PGBD5: variants seen among roughly 807,000 people sequenced by gnomAD.
The protein encoded by PGBD5 is piggyBac transposable element-derived protein 5.
PGBD5 carries 14 observed loss-of-function variants against 47.9 expected under a neutral mutation model. That is an observed-to-expected ratio of 0.29 (90% CI 0.19 to 0.46). The LOEUF is 0.46. PGBD5 is among the 20% of genes least tolerant of loss of function. The pLI is 1.00. For synonymous variants in PGBD5, 316 were observed against 306.3 expected (o/e 1.03, Z -0.33); for missense variants, 635 against 716.0 (o/e 0.89, Z 1.29).
chr1:230,397,147 G>A (rs1558211117), intron 1 of PGBD5, among the ~76,000 whole-genome samples: 1 of 152,138 alleles, frequency 6.6e-6, no homozygotes, highest in South Asian at 2.1e-4. Context: ...CCGCACACGC[G>A]CCTGCATGCT....
chr1:230,321,280 C>T lies in PGBD5; in HGVS notation c.*2145G>A, dbSNP rs4469718. 0.82 allele frequency: 124,876 copies of T among 152,220 alleles called. 51,297 individuals carry two copies. The highest frequency in any genetic ancestry group is 0.91 in the East Asian group (4,741 of 5,192). The allele number at this position is 152,220 out of a possible 1,614,324, so 9.4% of individuals were successfully genotyped here. A position where few individuals can be genotyped will look rare whatever the true frequency, so the allele number is the denominator to read the frequency against. ...GACACCAAGAACAGTTAATATCATA[C>T]ACACCAGATTATATAACAAAAAAAA... On this transcript the variant is annotated 3_prime_UTR_variant, in exon 7 of 7. Transcript: ENST00000391860.
At chr1:230,377,540 T>C (rs1668032359) in intron 1 of PGBD5, 4 of 1,612,058 alleles carry the variant, frequency 2.5e-6, no homozygotes, top group Non-Finnish European at 1.7e-6. Flanking sequence ...CCGGGCACTA[T>C]GCTGAGCAAC....
intron 1 of PGBD5, among the ~76,000 whole-genome samples, chr1:230,424,378 T>A (rs1250930804): frequency 6.6e-6 from 1 of 152,214 alleles, no homozygotes; most frequent in Non-Finnish European, 1.5e-5. Context: ...CCCAAAGCAG[T>A]GCACAGCTAA....
At chr1:230,338,258 G>T (rs1293704391) in intron 3 of PGBD5, among the ~76,000 whole-genome samples, 1 of 152,226 alleles carries the variant, frequency 6.6e-6, no homozygotes, top group Non-Finnish European at 1.5e-5. Flanking sequence ...CCGTTTATGA[G>T]CTCATAGTTC....
At chr1:230,362,305 G>A (rs140239344) in intron 1 of PGBD5, 3 of 1,367,810 alleles carry the variant, frequency 2.2e-6, no homozygotes, top group Non-Finnish European at 2.9e-6. Context: ...CCCCACGGGT[G>A]TGCAGGGCAC....
chr1:230,426,167 G>A lies in PGBD5; in HGVS notation c.-239C>T, dbSNP rs1201203524. 1 of 147,258 alleles carries A rather than the reference G, an allele frequency of 6.8e-6. No homozygotes were observed. The highest frequency in any genetic ancestry group is 1.5e-5 in the Non-Finnish European group (1 of 66,040). The allele number at this position is 147,258 out of a possible 1,614,324, so 9.1% of individuals were successfully genotyped here. Reference sequence around the variant, plus strand: ...GCGGCGGGAGGCGAGCCGCGCGCGGGGCTGGCAGGGGCGACCCAGAGCGGG... The same window carrying A: ...GCGGCGGGAGGCGAGCCGCGCGCGGAGCTGGCAGGGGCGACCCAGAGCGGG... On this transcript the variant is annotated 5_prime_UTR_variant, in exon 1 of 7. Transcript: ENST00000391860.
intron 1 of PGBD5, among the ~76,000 whole-genome samples, chr1:230,361,022 C>A (rs1571840087): frequency 6.6e-6 from 1 of 152,152 alleles, no homozygotes; most frequent in Non-Finnish European, 1.5e-5. Context: ...GCTGGGGAGG[C>A]CTTCCTCCCA....
chr1:230,385,087 T>TA (rs1656600946), intron 1 of PGBD5, among the ~76,000 whole-genome samples: 1 of 152,016 alleles, frequency 6.6e-6, no homozygotes, highest in Non-Finnish European at 1.5e-5. Context: ...GTATTTTTTT[T>TA]TTCCCCCTCA....
intron 2 of PGBD5, among the ~76,000 whole-genome samples, chr1:230,353,481 G>A (rs755980305): frequency 1.2e-4 from 18 of 152,126 alleles, no homozygotes; most frequent in Non-Finnish European, 2.4e-4. Flanking sequence ...GGAATCCTCT[G>A]AAGACTCTAA....
At chr1:230,406,299 G>T (rs563795941) in intron 1 of PGBD5, among the ~76,000 whole-genome samples, 203 of 123,804 alleles carry the variant, frequency 1.6e-3, no homozygotes, top group African/African-American at 6.0e-3. Flanking sequence ...GCAACAGAGT[G>T]AGACTCCGTC....
chr1:230,412,003 A>C, intron 1 of PGBD5, among the ~76,000 whole-genome samples: 1 of 152,216 alleles, frequency 6.6e-6, no homozygotes, highest in East Asian at 1.9e-4. Context: ...CTCTCCCCCC[A>C]AAAAGAAAAA....
chr1:230,380,114 T>C (rs190356639), intron 1 of PGBD5, among the ~76,000 whole-genome samples: 178 of 152,338 alleles, frequency 1.2e-3, no homozygotes, highest in African/African-American at 3.8e-3. Context: ...GTCACACACC[T>C]GGTAGGAGTT....
At chr1:230,332,244 A>G (rs986233788) in intron 5 of PGBD5, among the ~76,000 whole-genome samples, 1 of 152,216 alleles carries the variant, frequency 6.6e-6, no homozygotes, top group African/African-American at 2.4e-5. Context: ...GCCCCCAAGC[A>G]CAGCACAGCT....
At chr1:230,338,383 C>T (rs919648123) in intron 3 of PGBD5, among the ~76,000 whole-genome samples, 3 of 152,186 alleles carry the variant, frequency 2.0e-5, no homozygotes, top group Non-Finnish European at 4.4e-5. Context: ...TCTGCATTCC[C>T]GTTGTTTCCT....
At chr1:230,389,093 C>T (rs903068427) in intron 1 of PGBD5, among the ~76,000 whole-genome samples, 1 of 152,210 alleles carries the variant, frequency 6.6e-6, no homozygotes, top group African/African-American at 2.4e-5. Flanking sequence ...CCCCAACTGA[C>T]CATTTGACAA....
Position 230,316,140 on chromosome 1 carries a change from A to G in PGBD5, c.*7285T>C, listed in dbSNP as rs928106057. The stretch of plus-strand genomic sequence containing the variant: ...TATCTATGTGTATACATACATATGT[A>G]TATGTGTACACATATATGTATGTGT... On this transcript the variant is annotated 3_prime_UTR_variant, in exon 7 of 7. Transcript: ENST00000391860. The G allele has an allele frequency of 6.6e-6, 1 of 150,456 alleles. No homozygotes were observed. The highest frequency in any genetic ancestry group is 2.1e-4 in the South Asian group (1 of 4,818). The allele number at this position is 150,456 out of a possible 1,614,324, so 9.3% of individuals were successfully genotyped here.
chr1:230,382,176 G>A (rs146440689), intron 1 of PGBD5, among the ~76,000 whole-genome samples: 365 of 152,290 alleles, frequency 2.4e-3, no homozygotes, highest in Middle Eastern at 6.8e-3. Context: ...ACCATGGAGC[G>A]CGGACATGCT....
rs1553290460 is a variant in PGBD5, at chr1:230,404,625, A to ATATAT, written c.331+20972_331+20973insATATA. On this transcript the variant is annotated intron_variant, in intron 1 of 6. Transcript: ENST00000391860. The stretch of plus-strand genomic sequence containing the variant: ...AAGTCTTGTCTCAAAAAAAAAAAAA[A>ATATAT]AAAAATATATATATATATATATATG... Among the ~76,000 whole-genome samples the ATATAT allele has an allele frequency of 3.0e-4, 38 of 126,004 alleles. 1 individual carries two copies. The highest frequency in any genetic ancestry group is 1.2e-3 in the East Asian group (4 of 3,400). The allele number at this position is 126,004 out of a possible 152,430, so 82.7% of individuals were successfully genotyped here.
At chr1:230,380,193 A>G (rs927800389) in intron 1 of PGBD5, among the ~76,000 whole-genome samples, 5 of 152,232 alleles carry the variant, frequency 3.3e-5, no homozygotes, top group African/African-American at 1.2e-4. Flanking sequence ...GATACTTTCT[A>G]AGTTAATTAA....
Sources: gnomAD v4.1 joint callset for allele counts (sites outside exome capture counted in the v4.1 genomes callset) on GRCh38, gnomAD v4.1.1 for gene constraint, MANE v1.5 for transcripts, NCBI Gene and HGNC (gene_info 2026-07-23, HGNC 2026-07-21) for gene names.